The following NFIL3 variants were observed in gnomAD, a reference collection of about 807,000 sequenced individuals.
The protein encoded by NFIL3 is nuclear factor interleukin-3-regulated protein.
Under a neutral mutation model 10.0 loss-of-function variants are expected in NFIL3, and 5 were observed. That is an observed-to-expected ratio of 0.50 (90% CI 0.26 to 1.06). NFIL3 has a LOEUF of 1.06. Ranked by LOEUF, NFIL3 falls within the 50% of genes least tolerant of loss-of-function variation. The probability of loss-of-function intolerance (pLI) is 0.13; values close to 1 mark genes in which losing one functional copy is unlikely to be tolerated. For synonymous variants in NFIL3, 202 were observed against 206.5 expected (o/e 0.98, Z 0.19); for missense variants, 436 against 547.6 (o/e 0.80, Z 2.03).
In NFIL3 at chr9:91,410,126, AG is replaced by A; in HGVS notation, c.608del (p.Ser203LeufsTer23). On this transcript the variant is annotated frameshift_variant, in exon 2 of 2. Coordinates refer to ENST00000297689, the MANE Select transcript of NFIL3 (RefSeq NM_005384.3). LOFTEE classifies it low-confidence loss of function (END_TRUNC). The surrounding 1 kb of genome is among the most constrained non-coding windows in gnomAD (Gnocchi z 5.7). ...VSSVEHTQES[S>X]VQGSCRSPEN... is the part of the protein sequence containing the mutation. ...CAGGACTTCTGCAGCTTCCCTGCAC[AG>A]AGCTCTCCTGCGTGTGTTCTACTGA... 6.2e-7 allele frequency: 1 copy of A among 1,614,154 alleles called. No individual in the cohort carries two copies. The highest frequency in any genetic ancestry group is 8.5e-7 in the Non-Finnish European group (1 of 1,180,022).
rs1274927962 is a variant in NFIL3 at position 91,409,288 on chromosome 9, G to A, written c.*58C>T. On this transcript the variant is annotated 3_prime_UTR_variant, in exon 2 of 2. Transcript: ENST00000297689. ...GTGAAAATTCAGCATAATACAAAAT[G>A]GACTGCTCTATTGCAAATGACATCT... is the stretch of plus-strand genomic sequence containing the variant. The A allele has an allele frequency of 1.4e-6, 2 of 1,467,426 alleles. No homozygotes were observed. Among genetic ancestry groups the A allele is most frequent in the Non-Finnish European group, 1.8e-6 (2 of 1,091,484 alleles). The allele number at this position is 1,467,426 out of a possible 1,614,324, so 90.9% of individuals were successfully genotyped here.
At chr9:91,435,222 T>C in the NFIL3 span, among the ~76,000 whole-genome samples, 1 of 151,970 alleles carries the variant, frequency 6.6e-6, no homozygotes, top group African/African-American at 2.4e-5. Flanking sequence ...GAACCCAGAG[T>C]TGTGAGAATT....
At chr9:91,455,685 C>T in the NFIL3 span, among the ~76,000 whole-genome samples, 2 of 152,032 alleles carry the variant, frequency 1.3e-5, no homozygotes, top group Non-Finnish European at 2.9e-5. Flanking sequence ...TGATAAACTT[C>T]GCATATTTGA....
At chr9:91,415,587 G>A (rs1230291267) in intron 1 of NFIL3, among the ~76,000 whole-genome samples, 1 of 150,830 alleles carries the variant, frequency 6.6e-6, no homozygotes, top group South Asian at 2.1e-4. Flanking sequence ...GTTACTTTGG[G>A]CGCAGTAAGG....
At position 91,409,383 on chromosome 9, in the gene NFIL3, A is replaced by C; in HGVS notation, c.1352T>G (p.Ile451Arg). The C allele has an allele frequency of 6.2e-7, 1 of 1,601,796 alleles. No homozygotes were observed. The highest frequency in any genetic ancestry group is 8.5e-7 in the Non-Finnish European group (1 of 1,174,612). The part of the protein sequence containing the change: ...SAEVVSLKRL[I>R]ATQPISASDS... ...TGAAGCAGAGATTGGTTGTGTGGCTATAAGTCTCTTGAGTGAGACAACCTC... is the reference window on the plus strand; with the variant it reads ...TGAAGCAGAGATTGGTTGTGTGGCTCTAAGTCTCTTGAGTGAGACAACCTC... The change falls in exon 2 of 2, where the codon ATA (isoleucine) becomes AGA (arginine). Residue 451 changes from isoleucine to arginine, a missense_variant. Physicochemically the swap from Ile to Arg is moderately conservative, Grantham distance 97. Around this residue, in one of 3 missense-constraint regions of NFIL3, gnomAD observed 338 missense variants for 399.9 expected, o/e 0.85. Coordinates refer to ENST00000297689, the MANE Select transcript of NFIL3 (RefSeq NM_005384.3).
intron 1 of NFIL3, among the ~76,000 whole-genome samples, chr9:91,412,115 A>C (rs2117960752): frequency 6.6e-6 from 1 of 150,568 alleles, no homozygotes; most frequent in South Asian, 2.1e-4. Context: ...AAAAAAAAAA[A>C]AAAAAAAACC....
At chr9:91,420,609 T>C (rs1433302330) in intron 1 of NFIL3, among the ~76,000 whole-genome samples, 1 of 152,156 alleles carries the variant, frequency 6.6e-6, no homozygotes, top group Non-Finnish European at 1.5e-5. Flanking sequence ...CTCTAACTAC[T>C]GCCTGTAACA....
At chr9:91,443,262 C>T in the NFIL3 span, among the ~76,000 whole-genome samples, 12 of 152,304 alleles carry the variant, frequency 7.9e-5, no homozygotes, top group South Asian at 8.3e-4. Flanking sequence ...CTGGAAAAAG[C>T]GCCGTAAGTT....
At chr9:91,454,321 A>G in the NFIL3 span, among the ~76,000 whole-genome samples, 3 of 152,098 alleles carry the variant, frequency 2.0e-5, no homozygotes, top group Admixed American at 1.3e-4. Context: ...TTGGAATAGA[A>G]AAATTATTTC....
chr9:91,423,896 CG>C (rs1833824603), upstream of NFIL3: 1 of 145,136 alleles, frequency 6.9e-6, no homozygotes. Context: ...CTGGCGGCCG[CG>C]GCCCCAATCG....
upstream of NFIL3, among the ~76,000 whole-genome samples, chr9:91,427,987 T>G (rs895988930): frequency 2.6e-5 from 4 of 152,090 alleles, no homozygotes; most frequent in African/African-American, 9.7e-5. Flanking sequence ...TGAGCTAGCA[T>G]GGTAGCCTTA....
At chr9:91,429,939 T>C in the NFIL3 span, among the ~76,000 whole-genome samples, 78 of 152,280 alleles carry the variant, frequency 5.1e-4, no homozygotes, top group African/African-American at 1.9e-3. Flanking sequence ...TTTTCTCGTC[T>C]GCTGTGTGCC....
chr9:91,458,103 C>T, the NFIL3 span, among the ~76,000 whole-genome samples: 13 of 151,850 alleles, frequency 8.6e-5, no homozygotes, highest in African/African-American at 3.1e-4. Flanking sequence ...GAATTTTAAT[C>T]TGTAATTAAA....
upstream of NFIL3, among the ~76,000 whole-genome samples, chr9:91,424,109 A>G (rs1354284206): frequency 6.6e-6 from 1 of 150,804 alleles, no homozygotes; most frequent in East Asian, 2.0e-4. Context: ...TTCCCGGCGC[A>G]ACGAGTGTTG....
chr9:91,453,125 C>T, the NFIL3 span, among the ~76,000 whole-genome samples: 1 of 152,090 alleles, frequency 6.6e-6, no homozygotes, highest in South Asian at 2.1e-4. Flanking sequence ...AAGGAAAGAT[C>T]TGTTTCAGGC....
intron 1 of NFIL3, among the ~76,000 whole-genome samples, chr9:91,419,800 C>CGTGACTCTT (rs1296133396): frequency 6.6e-6 from 1 of 152,306 alleles, no homozygotes; most frequent in East Asian, 1.9e-4. Context: ...TTTTGCTGCT[C>CGTGACTCTT]GTGACTCTTA....
the NFIL3 span, among the ~76,000 whole-genome samples, chr9:91,473,157 C>A: frequency 5.5e-4 from 84 of 152,282 alleles, no homozygotes; most frequent in Non-Finnish European, 1.1e-3. Flanking sequence ...TTAGGCTACA[C>A]GGGGGTCAGG....
At chr9:91,412,716 C>T (rs565235441) in intron 1 of NFIL3, among the ~76,000 whole-genome samples, 1 of 151,754 alleles carries the variant, frequency 6.6e-6, no homozygotes, top group Non-Finnish European at 1.5e-5. Flanking sequence ...TGGTGACAGG[C>T]GCCTGTAATC....
the NFIL3 span, among the ~76,000 whole-genome samples, chr9:91,480,940 GAGCAGGGAAGGGCGCGC>G: frequency 6.6e-6 from 1 of 152,220 alleles, no homozygotes; most frequent in South Asian, 2.1e-4. Context: ...GCTGACAGCG[GAGCAGGGAAGGGCGCGC>G]AGAGGGTGAC....
Sources: gnomAD v4.1 joint callset for allele counts (sites outside exome capture counted in the v4.1 genomes callset) on GRCh38, gnomAD v4.1.1 for gene constraint, gnomAD v4.1.1 regional missense constraint, Gnocchi (gnomAD v3.1) non-coding constraint, MANE v1.5 for transcripts, NCBI Gene and HGNC (gene_info 2026-07-23, HGNC 2026-07-21) for gene names.